MGAT4C: variants seen among roughly 807,000 people sequenced by gnomAD.
MGAT4C encodes alpha-1,3-mannosyl-glycoprotein 4-beta-N-acetylglucosaminyltransferase C.
MGAT4C carries 19 observed loss-of-function variants against 40.1 expected under a neutral mutation model. The ratio of observed to expected loss-of-function variants is 0.47; its 90% CI spans 0.33 to 0.70. The LOEUF (loss-of-function observed/expected upper bound fraction) is 0.70. Ranked by LOEUF, MGAT4C falls within the 30% of genes least tolerant of loss-of-function variation. The probability of loss-of-function intolerance (pLI) is 0.02; values close to 1 mark genes in which losing one functional copy is unlikely to be tolerated. For synonymous variants in MGAT4C, 181 were observed against 187.1 expected, an observed-to-expected ratio of 0.97 and a Z score of 0.27; for missense variants, 491 against 563.2, an observed-to-expected ratio of 0.87 and a Z score of 1.30.
chr12:86,430,402 G>T (rs569923655), intron 3 of MGAT4C, among the ~76,000 whole-genome samples: 1 of 152,072 alleles, frequency 6.6e-6, no homozygotes, highest in East Asian at 1.9e-4. Flanking sequence ...GTGTTCTCTG[G>T]CAGGGATACA....
intron 3 of MGAT4C, among the ~76,000 whole-genome samples, chr12:86,406,959 C>A (rs904642271): frequency 2.0e-5 from 3 of 152,084 alleles, no homozygotes; most frequent in Admixed American, 2.0e-4. Flanking sequence ...CAGTCCCATA[C>A]GATTGTCCTC....
intron 2 of MGAT4C, among the ~76,000 whole-genome samples, chr12:86,506,189 G>A (rs568358134): frequency 2.6e-5 from 4 of 152,266 alleles, no homozygotes; most frequent in East Asian, 3.9e-4. Flanking sequence ...GTGATTAAAC[G>A]AAAATTCATG....
chr12:86,497,395 G>C (rs1958255856), intron 2 of MGAT4C, among the ~76,000 whole-genome samples: 1 of 151,854 alleles, frequency 6.6e-6, no homozygotes, highest in Non-Finnish European at 1.5e-5. Flanking sequence ...ATATTTTACA[G>C]CATAGTACTT....
intron 3 of MGAT4C, among the ~76,000 whole-genome samples, chr12:86,341,673 C>T (rs1174307412): frequency 2.6e-5 from 4 of 152,178 alleles, no homozygotes; most frequent in Admixed American, 6.5e-5. Context: ...GCCATTCCAG[C>T]CTTCAGGCTT....
At chr12:86,603,407 A>AG (rs541721686) in intron 2 of MGAT4C, among the ~76,000 whole-genome samples, 1,320 of 119,930 alleles carry the variant, frequency 0.011, 9 homozygotes, top group Non-Finnish European at 0.014. Context: ...TATATTATAT[A>AG]TTAGTATATA....
chr12:86,365,682 G>GTTT (rs568722124), intron 3 of MGAT4C, among the ~76,000 whole-genome samples: 1 of 135,794 alleles, frequency 7.4e-6, no homozygotes, highest in Non-Finnish European at 1.6e-5. Context: ...TTTCCCCACT[G>GTTT]TTTTTTTTTT....
intron 3 of MGAT4C, among the ~76,000 whole-genome samples, chr12:86,412,777 C>A (rs1335881473): frequency 1.3e-5 from 2 of 152,062 alleles, no homozygotes; most frequent in African/African-American, 2.4e-5. Flanking sequence ...GACCATGGAC[C>A]AAATTATACA....
At chr12:86,007,135 G>C (rs1177770975) in intron 2 of MGAT4C, among the ~76,000 whole-genome samples, 2 of 151,844 alleles carry the variant, frequency 1.3e-5, no homozygotes, top group African/African-American at 4.8e-5. Context: ...TAAAAATTCT[G>C]CATTTTCAAC....
intron 1 of MGAT4C, among the ~76,000 whole-genome samples, chr12:86,085,510 T>C (rs1871640319): frequency 2.0e-5 from 3 of 152,132 alleles, no homozygotes; most frequent in Admixed American, 2.0e-4. Context: ...ATCAGATGAT[T>C]GTAGATGTGT....
chr12:86,148,892 A>G (rs943937513), intron 1 of MGAT4C, among the ~76,000 whole-genome samples: 1 of 152,166 alleles, frequency 6.6e-6, no homozygotes, highest in Non-Finnish European at 1.5e-5. Context: ...TCTCATCTGA[A>G]TAAAATTAAT....
chr12:86,637,189 C>T (rs190467309), intron 2 of MGAT4C, among the ~76,000 whole-genome samples: 3 of 151,926 alleles, frequency 2.0e-5, no homozygotes, highest in Non-Finnish European at 4.4e-5. Context: ...AGCCTCTAAT[C>T]TTCTACTATC....
At chr12:86,790,154 A>T (rs1026524373) in intron 1 of MGAT4C, among the ~76,000 whole-genome samples, 20 of 152,166 alleles carry the variant, frequency 1.3e-4, no homozygotes, top group African/African-American at 4.3e-4. Flanking sequence ...TGAGGTAATA[A>T]ACTAGTGAAT....
At chr12:86,030,176 A>C (rs1051076742) in intron 2 of MGAT4C, among the ~76,000 whole-genome samples, 2 of 151,730 alleles carry the variant, frequency 1.3e-5, no homozygotes, top group African/African-American at 4.8e-5. Flanking sequence ...TCCCATGTAG[A>C]TACAACTCTT....
chr12:86,068,321 C>G (rs1441280307), intron 1 of MGAT4C: 1 of 152,074 alleles, frequency 6.6e-6, no homozygotes, highest in Non-Finnish European at 1.5e-5. Flanking sequence ...TCCTTTCCCT[C>G]TATTAGGAAA....
intron 2 of MGAT4C, among the ~76,000 whole-genome samples, chr12:86,698,889 C>T (rs2406254): frequency 0.78 from 118,815 of 151,974 alleles, 47,685 homozygotes; most frequent in Middle Eastern, 0.88. Flanking sequence ...CTCCCACGTG[C>T]CTCAGGGGAG....
At chr12:86,496,190 A>C (rs1958231439) in intron 2 of MGAT4C, among the ~76,000 whole-genome samples, 1 of 151,888 alleles carries the variant, frequency 6.6e-6, no homozygotes, top group African/African-American at 2.4e-5. Flanking sequence ...TAGAGTGATA[A>C]AGACAAAAAC....
At chr12:86,675,875 C>T (rs1446990425) in intron 2 of MGAT4C, among the ~76,000 whole-genome samples, 4 of 151,272 alleles carry the variant, frequency 2.6e-5, no homozygotes, top group Non-Finnish European at 5.9e-5. Flanking sequence ...ACACAATAGA[C>T]TATTTTAAAA....
At chr12:86,511,689 G>A (rs763404031) in intron 2 of MGAT4C, among the ~76,000 whole-genome samples, 5 of 151,834 alleles carry the variant, frequency 3.3e-5, no homozygotes, top group Admixed American at 6.6e-5. Context: ...GAGAAAACTG[G>A]ATATCCATAT....
At chr12:86,815,427 A>G (rs1408969086) in intron 1 of MGAT4C, among the ~76,000 whole-genome samples, 1 of 151,932 alleles carries the variant, frequency 6.6e-6, no homozygotes, top group Non-Finnish European at 1.5e-5. Context: ...CACTGTGGAA[A>G]ACAGTGTGGC....
Sources: allele counts gnomAD v4.1 joint callset (sites outside exome capture counted in the v4.1 genomes callset), GRCh38; gene constraint gnomAD v4.1.1; transcripts MANE v1.5; gene names NCBI Gene and HGNC (gene_info 2026-07-23, HGNC 2026-07-21).